The following NRXN3 variants were observed in gnomAD, a reference collection of about 807,000 sequenced individuals.
NRXN3 encodes the protein neurexin 3.
NRXN3 carries 32 observed loss-of-function variants against 137.6 expected under a neutral mutation model. The observed-to-expected ratio is 0.23, with a 90% CI of 0.18 to 0.31. The LOEUF is 0.31. Ranked by LOEUF, NRXN3 falls within the 10% of genes least tolerant of loss-of-function variation. NRXN3 has a pLI of 1.00. For missense variants in NRXN3, 1,574 were observed against 2,062.5 expected (o/e 0.76, Z 4.59); for synonymous variants, 798 against 784.5 (o/e 1.02, Z -0.29).
At chr14:79,116,563 C>A (rs984804075) in intron 15 of NRXN3, among the ~76,000 whole-genome samples, 3 of 152,148 alleles carry the variant, frequency 2.0e-5, no homozygotes, top group African/African-American at 7.2e-5. Flanking sequence ...GAGTGGATGC[C>A]TTCTTCATTT....
rs752077620 is a variant in NRXN3, at chr14:79,009,559, T to C, written c.3262+21418T>C. On this transcript the variant is annotated intron_variant, in intron 15 of 20. Coordinates refer to ENST00000335750, the MANE Select transcript of NRXN3 (RefSeq NM_001330195.2). Reference sequence around the variant, plus strand: ...GAGGTGCTGTGGGGGAGTTTTCTCATTTTCCAGAATATACAGAGCAAGGAT... The same window carrying C: ...GAGGTGCTGTGGGGGAGTTTTCTCACTTTCCAGAATATACAGAGCAAGGAT... 2.4e-4 allele frequency among the ~76,000 whole-genome samples: 37 copies of C among 152,112 alleles called. 1 individual carries two copies. The highest frequency in any genetic ancestry group is 5.0e-4 in the Non-Finnish European group (34 of 68,022).
At chr14:78,615,892 T>C (rs1384346636) in intron 4 of NRXN3, among the ~76,000 whole-genome samples, 1 of 152,140 alleles carries the variant, frequency 6.6e-6, no homozygotes, top group Non-Finnish European at 1.5e-5. Context: ...ACCAGGAGTT[T>C]AAGGCTGAAG....
At chr14:78,498,750 G>A (rs906777046) in intron 4 of NRXN3, among the ~76,000 whole-genome samples, 141 of 152,144 alleles carry the variant, frequency 9.3e-4, no homozygotes, top group African/African-American at 3.3e-3. Context: ...AAATATGGGG[G>A]ACTCTGGAGC....
chr14:78,411,118 A>G (rs1224037664), intron 4 of NRXN3, among the ~76,000 whole-genome samples: 3 of 152,208 alleles, frequency 2.0e-5, no homozygotes, highest in Non-Finnish European at 2.9e-5. Flanking sequence ...AGCTTGGCCA[A>G]TAGCCAACCA....
At chr14:78,460,129 G>A (rs717109) in intron 4 of NRXN3, among the ~76,000 whole-genome samples, 148,536 of 152,332 alleles carry the variant, frequency 0.98, 72,512 homozygotes, top group Non-Finnish European at 1. Flanking sequence ...TCAACAGCCA[G>A]ATGAAAGAGA....
chr14:79,189,208 TA>T, intron 15 of NRXN3, among the ~76,000 whole-genome samples: 1 of 151,968 alleles, frequency 6.6e-6, no homozygotes, highest in African/African-American at 2.4e-5. Context: ...TATGCAGCCA[TA>T]AAAAATGATG....
chr14:79,128,804 T>A (rs2056984768), intron 15 of NRXN3, among the ~76,000 whole-genome samples: 1 of 151,970 alleles, frequency 6.6e-6, no homozygotes, highest in African/African-American at 2.4e-5. Flanking sequence ...ATCCATCTGG[T>A]CCTGGACTCT....
At chr14:79,360,682 A>G (rs1017338468) in intron 15 of NRXN3, among the ~76,000 whole-genome samples, 1 of 152,182 alleles carries the variant, frequency 6.6e-6, no homozygotes, top group Non-Finnish European at 1.5e-5. Flanking sequence ...GGTCACAAAG[A>G]TTTCAGATAA....
intron 15 of NRXN3, among the ~76,000 whole-genome samples, chr14:79,104,033 C>T (rs1180342479): frequency 6.6e-6 from 1 of 152,194 alleles, no homozygotes; most frequent in Non-Finnish European, 1.5e-5. Context: ...CCTGCACATG[C>T]ACAGATGTGC....
chr14:79,861,122 C>T lies in NRXN3; in HGVS notation c.4094-220C>T, dbSNP rs1413010087. 6 of 1,488,602 alleles carry T rather than the reference C, an allele frequency of 4.0e-6. No individual in the cohort carries two copies. Among genetic ancestry groups the T allele is most frequent in the Non-Finnish European group, 5.3e-6 (6 of 1,123,222 alleles). The allele number at this position is 1,488,602 out of a possible 1,614,324, so 92.2% of individuals were successfully genotyped here. On this transcript the variant is annotated intron_variant, in intron 20 of 20. Coordinates refer to ENST00000335750, the MANE Select transcript of NRXN3 (RefSeq NM_001330195.2). This position sits in a 1 kb window ranked among gnomAD's most constrained non-coding sequence, Gnocchi z 5.4. ...TACTCGTGCACCTTCCATTACACTCCCCCCTACCTTTCGCCCCCTCCTCAC... is the reference window on the plus strand; with the variant it reads ...TACTCGTGCACCTTCCATTACACTCTCCCCTACCTTTCGCCCCCTCCTCAC...
rs35950634 is a variant in NRXN3 at position 79,708,498 on chromosome 14, GT to G, written c.4014+10573del. 2.8e-3 allele frequency among the ~76,000 whole-genome samples: 411 copies of G among 146,226 alleles called. 3 individuals are homozygous for G. Among genetic ancestry groups the G allele is most frequent in the African/African-American group, 8.7e-3 (347 of 40,108 alleles). On this transcript the variant is annotated intron_variant, in intron 19 of 20. Coordinates refer to ENST00000335750, the MANE Select transcript of NRXN3 (RefSeq NM_001330195.2). ...TTCAATTTAAACTGAGGTAAGAATT[GT>G]TTTTTTTTTTTCTGAAAATATATGA...
intron 15 of NRXN3, among the ~76,000 whole-genome samples, chr14:78,989,407 G>T (rs1480031848): frequency 6.6e-6 from 1 of 151,940 alleles, no homozygotes; most frequent in African/African-American, 2.4e-5. Flanking sequence ...TTCTCTTAAG[G>T]TACACTGAGG....
intron 10 of NRXN3, among the ~76,000 whole-genome samples, chr14:78,895,522 A>G (rs989900534): frequency 6.6e-6 from 1 of 151,934 alleles, no homozygotes; most frequent in Non-Finnish European, 1.5e-5. Context: ...AACTTTCTCC[A>G]TATAAGCAAT....
intron 15 of NRXN3, among the ~76,000 whole-genome samples, chr14:79,355,838 G>T (rs935143198): frequency 6.6e-6 from 1 of 152,068 alleles, no homozygotes; most frequent in East Asian, 1.9e-4. Flanking sequence ...CTCTTGACTA[G>T]TTAGAAACTT....
At chr14:78,813,605 A>G (rs1032971064) in intron 10 of NRXN3, among the ~76,000 whole-genome samples, 6 of 152,078 alleles carry the variant, frequency 3.9e-5, no homozygotes, top group Non-Finnish European at 8.8e-5. Flanking sequence ...ATTCTTTTTT[A>G]GAATGCCTGT....
chr14:79,303,637 G>T (rs12884271), intron 15 of NRXN3, among the ~76,000 whole-genome samples: 1 of 151,932 alleles, frequency 6.6e-6, no homozygotes, highest in Non-Finnish European at 1.5e-5. Flanking sequence ...TTTGTTGGGG[G>T]TGGGGGGCTA....
chr14:79,387,283 G>T (rs1231399186), intron 15 of NRXN3, among the ~76,000 whole-genome samples: 1 of 152,088 alleles, frequency 6.6e-6, no homozygotes, highest in African/African-American at 2.4e-5. Flanking sequence ...CCATCAAAAA[G>T]TGGGCAAAGG....
At chr14:78,283,800 C>T (rs540834309) in intron 3 of NRXN3, among the ~76,000 whole-genome samples, 2 of 152,322 alleles carry the variant, frequency 1.3e-5, no homozygotes, top group East Asian at 3.9e-4. Flanking sequence ...TGAGCCACCT[C>T]ACCTGGCCTG....
At chr14:78,578,604 A>G (rs1311867365) in intron 4 of NRXN3, among the ~76,000 whole-genome samples, 1 of 152,242 alleles carries the variant, frequency 6.6e-6, no homozygotes, top group African/African-American at 2.4e-5. Flanking sequence ...GGATTAGCTC[A>G]AGAATCACCA....
Sources: gnomAD v4.1 joint callset for allele counts (sites outside exome capture counted in the v4.1 genomes callset) on GRCh38, gnomAD v4.1.1 for gene constraint, Gnocchi (gnomAD v3.1) non-coding constraint, MANE v1.5 for transcripts, NCBI Gene and HGNC (gene_info 2026-07-23, HGNC 2026-07-21) for gene names.